COL26A1: variants seen among roughly 807,000 people sequenced by gnomAD.
COL26A1 encodes collagen type XXVI alpha 1 chain.
Under a neutral mutation model 59.3 loss-of-function variants are expected in COL26A1, and 41 were observed. That is an observed-to-expected ratio of 0.69 (90% confidence interval 0.54 to 0.90). COL26A1 has a LOEUF of 0.90. Among genes scored for constraint, COL26A1 ranks in the 40% least tolerant of loss-of-function variants. The pLI is 0.00. For missense variants in COL26A1, 612 were observed against 602.3 expected, an observed-to-expected ratio of 1.02 and a Z score of -0.17; for synonymous variants, 266 against 256.0, an observed-to-expected ratio of 1.04 and a Z score of -0.37.
At chr7:101,390,095 C>T (rs1038572387) in intron 1 of COL26A1, among the ~76,000 whole-genome samples, 2 of 140,892 alleles carry the variant, frequency 1.4e-5, no homozygotes, top group Non-Finnish European at 3.0e-5. Context: ...CATTGCCAAT[C>T]TAGTGTCATG....
chr7:101,462,624 C>T (rs1282915134), intron 3 of COL26A1, among the ~76,000 whole-genome samples: 1 of 152,102 alleles, frequency 6.6e-6, no homozygotes, highest in Non-Finnish European at 1.5e-5. Context: ...GCCTTAACTT[C>T]ATGTATTTAT....
At chr7:101,499,143 G>A (rs952655473) in intron 3 of COL26A1, among the ~76,000 whole-genome samples, 4 of 152,302 alleles carry the variant, frequency 2.6e-5, no homozygotes, top group East Asian at 3.9e-4. Flanking sequence ...GCTGGAGTTC[G>A]CGGGGATCCC....
At chr7:101,370,361 G>T (rs1476190224) in intron 1 of COL26A1, among the ~76,000 whole-genome samples, 4 of 151,624 alleles carry the variant, frequency 2.6e-5, no homozygotes, top group African/African-American at 9.7e-5. Flanking sequence ...TTGTTTTGTT[G>T]TTGTTGTTTG....
chr7:101,371,164 AGG>A (rs1791182849), intron 1 of COL26A1, among the ~76,000 whole-genome samples: 1 of 152,176 alleles, frequency 6.6e-6, no homozygotes, highest in Non-Finnish European at 1.5e-5. Flanking sequence ...GCCCACGTGT[AGG>A]TAGGGTAGAG....
chr7:101,540,484 G>A (rs1188328127), intron 5 of COL26A1, among the ~76,000 whole-genome samples: 1 of 150,886 alleles, frequency 6.6e-6, no homozygotes, highest in African/African-American at 2.4e-5. Flanking sequence ...GTTGCAGTGA[G>A]CCGAGATCAC....
intron 1 of COL26A1, among the ~76,000 whole-genome samples, chr7:101,397,533 C>A (rs539346525): frequency 4.9e-4 from 49 of 100,510 alleles, no homozygotes; most frequent in Middle Eastern, 5.3e-3. Flanking sequence ...TTCTCTCCTC[C>A]CCCCCCCTCC....
chr7:101,542,513 G>A (rs1457939671), intron 5 of COL26A1, among the ~76,000 whole-genome samples: 1 of 152,228 alleles, frequency 6.6e-6, no homozygotes, highest in Non-Finnish European at 1.5e-5. Flanking sequence ...CAGCAAGCCA[G>A]CAAGCTGGGG....
At chr7:101,550,534 A>G (rs1795837929) in intron 9 of COL26A1, among the ~76,000 whole-genome samples, 1 of 152,186 alleles carries the variant, frequency 6.6e-6, no homozygotes, top group Non-Finnish European at 1.5e-5. Context: ...CCAATGGAAT[A>G]AGTCTGGTGA....
chr7:101,528,382 T>C (rs1388047925), intron 3 of COL26A1, among the ~76,000 whole-genome samples: 1 of 152,192 alleles, frequency 6.6e-6, no homozygotes, highest in Non-Finnish European at 1.5e-5. Flanking sequence ...CCAGAGTTCC[T>C]GGACAGGCCA....
chr7:101,500,547 G>T (rs1204045233), intron 3 of COL26A1, among the ~76,000 whole-genome samples: 1 of 152,186 alleles, frequency 6.6e-6, no homozygotes, highest in Non-Finnish European at 1.5e-5. Flanking sequence ...ACCGGGCGCG[G>T]TGCCTCATGT....
At chr7:101,390,277 T>A (rs1326703001) in intron 1 of COL26A1, among the ~76,000 whole-genome samples, 1 of 147,584 alleles carries the variant, frequency 6.8e-6, no homozygotes, top group African/African-American at 2.5e-5. Flanking sequence ...TGCCTCAGCC[T>A]CCCGAGTAGC....
intron 3 of COL26A1, among the ~76,000 whole-genome samples, chr7:101,489,836 T>TG (rs1410479085): frequency 0.02 from 346 of 17,472 alleles, 89 homozygotes; most frequent in African/African-American, 0.1. Flanking sequence ...CTTTCTTTCT[T>TG]TCTTTCTTTC....
chr7:101,542,524 G>A (rs1795638469), intron 5 of COL26A1, among the ~76,000 whole-genome samples: 1 of 152,200 alleles, frequency 6.6e-6, no homozygotes, highest in South Asian at 2.1e-4. Flanking sequence ...CAAGCTGGGG[G>A]CATTTTGCCT....
intron 10 of COL26A1, 57 bp from the exon 11 acceptor site, chr7:101,553,269 G>T (rs1298798175): frequency 1.3e-6 from 2 of 1,515,728 alleles, no homozygotes; most frequent in African/African-American, 1.4e-5. Flanking sequence ...AACTGGAGAG[G>T]GTGGAGAGGT....
At chr7:101,418,072 C>G (rs973768235) in intron 1 of COL26A1, among the ~76,000 whole-genome samples, 1 of 151,988 alleles carries the variant, frequency 6.6e-6, no homozygotes, top group Non-Finnish European at 1.5e-5. Context: ...GCTATGTTGC[C>G]CAGGCTAGTC....
At chr7:101,540,219 C>T (rs1252952076) in intron 5 of COL26A1, among the ~76,000 whole-genome samples, 170 bp downstream of exon 5, 1 of 152,162 alleles carries the variant, frequency 6.6e-6, no homozygotes, top group Non-Finnish European at 1.5e-5. Context: ...CACCTAAAAG[C>T]CAGGATTTCT....
At chr7:101,533,504 C>A (rs1022209786) in intron 4 of COL26A1, among the ~76,000 whole-genome samples, 4 of 152,020 alleles carry the variant, frequency 2.6e-5, no homozygotes, top group Admixed American at 1.3e-4. Flanking sequence ...ACAGAGGAAC[C>A]GATGGGAAAA....
intron 1 of COL26A1, among the ~76,000 whole-genome samples, chr7:101,372,328 G>A (rs1463991970): frequency 6.6e-6 from 1 of 152,092 alleles, no homozygotes; most frequent in Admixed American, 6.6e-5. Context: ...AACATGCCAG[G>A]CTAAGTTTTG....
chr7:101,459,127 T>C (rs1303884502), intron 3 of COL26A1, among the ~76,000 whole-genome samples: 1 of 151,820 alleles, frequency 6.6e-6, no homozygotes, highest in Non-Finnish European at 1.5e-5. Context: ...CAGGGATCTT[T>C]TTGTTCCTAA....
Sources: allele counts gnomAD v4.1 joint callset (sites outside exome capture counted in the v4.1 genomes callset), GRCh38; gene constraint gnomAD v4.1.1; transcripts MANE v1.5; gene names NCBI Gene and HGNC (gene_info 2026-07-23, HGNC 2026-07-21).